RFTN1: variants seen among roughly 807,000 people sequenced by gnomAD.
RFTN1 encodes the protein raftlin, lipid raft linker 1.
A neutral mutation model predicts 46.5 loss-of-function variants in RFTN1; 26 were observed. That is an observed-to-expected ratio of 0.56 (90% CI 0.41 to 0.78). The LOEUF is 0.78. Among genes scored for constraint, RFTN1 ranks in the 30% least tolerant of loss-of-function variants. The probability of loss-of-function intolerance (pLI) is 0.00; values close to 1 mark genes in which losing one functional copy is unlikely to be tolerated. For synonymous variants in RFTN1, 261 were observed against 284.2 expected (o/e 0.92, Z 0.82); for missense variants, 693 against 718.7 (o/e 0.96, Z 0.41).
Position 16,489,798 on chromosome 3 carries a change from C to T in RFTN1, c.145+3927G>A, listed in dbSNP as rs2076510447. ...TGGTGCATGCTTGGAATCCCAGATA[C>T]TCAAGAGGCTGAGGCATAAGAATCA... On this transcript the variant is annotated intron_variant, in intron 2 of 9. Transcript: ENST00000334133. The surrounding 1 kb of genome is among the most constrained non-coding windows in gnomAD (Gnocchi z 4.0). Among the ~76,000 whole-genome samples the T allele has an allele frequency of 6.6e-6, 1 of 152,080 alleles. No individual in the cohort carries two copies. Among genetic ancestry groups the T allele is most frequent in the African/African-American group, 2.4e-5 (1 of 41,392 alleles).
chr3:16,501,164 C>A (rs2076704690), intron 1 of RFTN1, among the ~76,000 whole-genome samples: 1 of 152,198 alleles, frequency 6.6e-6, no homozygotes, highest in Non-Finnish European at 1.5e-5. Context: ...CACACACACA[C>A]AAACACAGCA....
chr3:16,485,824 G>A lies in RFTN1; in HGVS notation c.145+7901C>T, dbSNP rs570000275. ...AATATCACTGCGACACCCTTCAGTG[G>A]ACTGGCAGTTGGCGCTGAGCTCTCT... On this transcript the variant is annotated intron_variant, in intron 2 of 9. Coordinates refer to ENST00000334133, the MANE Select transcript of RFTN1 (RefSeq NM_015150.2). Among the ~76,000 whole-genome samples the A allele has an allele frequency of 2.6e-5, 4 of 152,326 alleles. No individual in the cohort carries two copies. In the South Asian group the frequency reaches 8.3e-4, roughly 32 times the overall value.
Position 16,383,011 on chromosome 3 carries a change from T to A in RFTN1, c.442-4909A>T, listed in dbSNP as rs1439985447. On this transcript the variant is annotated intron_variant, in intron 4 of 9. Coordinates refer to ENST00000334133, the MANE Select transcript of RFTN1 (RefSeq NM_015150.2). The surrounding 1 kb of genome is among the most constrained non-coding windows in gnomAD (Gnocchi z 4.0). ...TTACAGGAAACAGCAACTATTAACA[T>A]TGCACAGCTCTTCTACAAAGAACTT... 6.6e-6 allele frequency among the ~76,000 whole-genome samples: 1 copy of A among 152,168 alleles called. No individual in the cohort carries two copies. The highest frequency in any genetic ancestry group is 1.9e-4 in the East Asian group (1 of 5,202).
At chr3:16,349,828 T>G (rs1039656107) in intron 7 of RFTN1, 1 of 152,238 alleles carries the variant, frequency 6.6e-6, no homozygotes, top group Non-Finnish European at 1.5e-5. Context: ...CTTACATGAC[T>G]GTGGAGGATG....
intron 2 of RFTN1, among the ~76,000 whole-genome samples, chr3:16,444,703 T>G (rs149454523): frequency 6.6e-6 from 1 of 152,330 alleles, no homozygotes; most frequent in African/African-American, 2.4e-5. Context: ...CAATAAACAA[T>G]GTGGGATGAA....
chr3:16,368,033 T>C (rs2073305077), intron 6 of RFTN1, among the ~76,000 whole-genome samples: 1 of 152,008 alleles, frequency 6.6e-6, no homozygotes, highest in Admixed American at 6.5e-5. Flanking sequence ...AATGTAAAAC[T>C]ATGCATGGCC....
At chr3:16,438,623 A>C (rs13067031) in intron 2 of RFTN1, among the ~76,000 whole-genome samples, 2 of 140,000 alleles carry the variant, frequency 1.4e-5, no homozygotes, top group African/African-American at 5.3e-5. Flanking sequence ...AAAAAAGAAG[A>C]CAGGTTTCTA....
In RFTN1 at chr3:16,400,957, G is replaced by A. The variant is rs964789772; in HGVS notation, c.441+8418C>T. 7.2e-5 allele frequency among the ~76,000 whole-genome samples: 11 copies of A among 151,822 alleles called. No homozygotes were observed. Among genetic ancestry groups the A allele is most frequent in the African/African-American group, 2.7e-4 (11 of 41,318 alleles). On this transcript the variant is annotated intron_variant, in intron 4 of 9. Transcript: ENST00000334133. The surrounding 1 kb of genome is among the most constrained non-coding windows in gnomAD (Gnocchi z 4.5). ...CCTTGTGCCCCTCCCACCTCGCCCT[G>A]CCTGGAACCTGCCTCCATCTTTTAT...
At chr3:16,354,527 T>C (rs2072304695) in intron 7 of RFTN1, among the ~76,000 whole-genome samples, 1 of 152,224 alleles carries the variant, frequency 6.6e-6, no homozygotes, top group Non-Finnish European at 1.5e-5. Flanking sequence ...GCATTGACAC[T>C]CCAGGCCTCT....
Position 16,356,138 on chromosome 3 carries a change from G to A in RFTN1, c.1146+1794C>T, listed in dbSNP as rs1403558373. On this transcript the variant is annotated intron_variant, in intron 7 of 9. Transcript: ENST00000334133. The surrounding 1 kb of genome is among the most constrained non-coding windows in gnomAD (Gnocchi z 4.9). ...CCACACGTGATGGGCCATGTGACCTGCCCAGCTTACAAGTTGAGGAAGGAC... is the reference window on the plus strand; with the variant it reads ...CCACACGTGATGGGCCATGTGACCTACCCAGCTTACAAGTTGAGGAAGGAC... Among the ~76,000 whole-genome samples the A allele has an allele frequency of 6.6e-6, 1 of 152,186 alleles. No individual in the cohort carries two copies. Among genetic ancestry groups the A allele is most frequent in the Non-Finnish European group, 1.5e-5 (1 of 68,038 alleles).
chr3:16,452,378 A>G lies in RFTN1; in HGVS notation c.146-18341T>C, dbSNP rs2075834932. ...GGGGTTACATTCAGATACCTTTGTA[A>G]ACATCTAAAGTCTCCCTCCATCTTC... On this transcript the variant is annotated intron_variant, in intron 2 of 9. Transcript: ENST00000334133. The surrounding 1 kb of genome is among the most constrained non-coding windows in gnomAD (Gnocchi z 6.3). Among the ~76,000 whole-genome samples the G allele has an allele frequency of 6.6e-6, 1 of 152,188 alleles. No homozygotes were observed. Among genetic ancestry groups the G allele is most frequent in the Admixed American group, 6.5e-5 (1 of 15,280 alleles).
Position 16,442,353 on chromosome 3 carries a change from T to C in RFTN1, c.146-8316A>G, listed in dbSNP as rs2125514187. On this transcript the variant is annotated intron_variant, in intron 2 of 9. Transcript: ENST00000334133. The surrounding 1 kb of genome is among the most constrained non-coding windows in gnomAD (Gnocchi z 4.1). ...CATCACCCCCAAAGGAAACTCCATG[T>C]CCATTAAGCAGTTACTCTTCCCATT... is the stretch of plus-strand genomic sequence containing the variant. Among the ~76,000 whole-genome samples the C allele has an allele frequency of 1.3e-5, 2 of 152,234 alleles. 1 individual carries two copies. The highest frequency in any genetic ancestry group is 4.2e-4 in the South Asian group (2 of 4,818).
rs1559794399 is a variant in RFTN1, at chr3:16,316,857, T to TG, written c.1707dup (p.Arg570GlnfsTer7). On this transcript the variant is annotated frameshift_variant, in exon 10 of 10. Transcript: ENST00000334133. LOFTEE classifies it low-confidence loss of function (END_TRUNC). This position sits in a 1 kb window ranked among gnomAD's most constrained non-coding sequence, Gnocchi z 4.5. ...TTTTCTTCAACCGTACCAAGCTCTC[T>TG]GACTTCCTCAGCATCCCCGTCCCTG... 1 of 1,614,184 alleles carries TG rather than the reference T, an allele frequency of 6.2e-7. No individual in the cohort carries two copies. The highest frequency in any genetic ancestry group is 1.1e-5 in the South Asian group (1 of 91,092).
intron 9 of RFTN1, among the ~76,000 whole-genome samples, chr3:16,319,467 G>C (rs1229321871): frequency 6.6e-6 from 1 of 152,132 alleles, no homozygotes; most frequent in South Asian, 2.1e-4. Flanking sequence ...CCAGGGCTGC[G>C]GTGCACACCT....
intron 5 of RFTN1, among the ~76,000 whole-genome samples, chr3:16,375,917 G>A (rs556068257): frequency 6.6e-6 from 1 of 152,278 alleles, no homozygotes; most frequent in African/African-American, 2.4e-5. Flanking sequence ...CAGCCATCAG[G>A]GGAGATTCTG....
In RFTN1 at chr3:16,409,470, C is replaced by G. The variant is rs777228009; in HGVS notation, c.346G>C (p.Asp116His). The G allele has an allele frequency of 2.5e-6, 4 of 1,610,730 alleles. 1 individual carries two copies. The East Asian group carries it at 8.9e-5, about 36-fold the overall frequency. The stretch of plus-strand genomic sequence containing the variant: ...AAGATGTAGCCTTCATTGTGAAGAT[C>G]AGTTTTCTGAGATCTGAAGAGAAAG... Reference protein sequence around the residue: ...IKKTDRSQKTDLHNEGYILEL... With the variant: ...IKKTDRSQKTHLHNEGYILEL... Residue 116 changes from aspartate to histidine, a missense_variant, in exon 4 of 10, where the codon GAT becomes CAT. Physicochemically the swap from Asp to His is moderately conservative, Grantham distance 81. Transcript: ENST00000334133.
Position 16,465,747 on chromosome 3 carries a change from G to A in RFTN1, c.145+27978C>T, listed in dbSNP as rs935256584. Among the ~76,000 whole-genome samples, 2 of 152,194 alleles carry A rather than the reference G, an allele frequency of 1.3e-5. No homozygotes were observed. Among genetic ancestry groups the A allele is most frequent in the African/African-American group, 4.8e-5 (2 of 41,448 alleles). On this transcript the variant is annotated intron_variant, in intron 2 of 9. Transcript: ENST00000334133. This position sits in a 1 kb window ranked among gnomAD's most constrained non-coding sequence, Gnocchi z 5.1. ...TCTTTTTCTTTTCACTATACCTTGT[G>A]CAGAAGGCTGAGCAGGGGATGTCCA...
rs981068097 is a variant in RFTN1 at position 16,447,403 on chromosome 3, A to G, written c.146-13366T>C. ...GGTGCATGGAAATAGAAAATCATAC[A>G]CACGAGTTGAGCAGCTCCGGCTCCA... On this transcript the variant is annotated intron_variant, in intron 2 of 9. Coordinates refer to ENST00000334133, the MANE Select transcript of RFTN1 (RefSeq NM_015150.2). This position sits in a 1 kb window ranked among gnomAD's most constrained non-coding sequence, Gnocchi z 5.9. Among the ~76,000 whole-genome samples the G allele has an allele frequency of 6.6e-6, 1 of 152,208 alleles. No individual in the cohort carries two copies. The highest frequency in any genetic ancestry group is 2.4e-5 in the African/African-American group (1 of 41,438).
intron 4 of RFTN1, among the ~76,000 whole-genome samples, chr3:16,398,385 C>A (rs1368314202): frequency 6.6e-6 from 1 of 151,992 alleles, no homozygotes; most frequent in Non-Finnish European, 1.5e-5. Flanking sequence ...CAATCAAGAG[C>A]CATTGGCTTG....
Sources: allele counts gnomAD v4.1 joint callset (sites outside exome capture counted in the v4.1 genomes callset), GRCh38; gene constraint gnomAD v4.1.1; non-coding constraint Gnocchi (gnomAD v3.1); transcripts MANE v1.5; gene names NCBI Gene and HGNC (gene_info 2026-07-23, HGNC 2026-07-21).